Variants in CNTNAP2 observed in about 807,000 individuals in gnomAD.
The protein encoded by CNTNAP2 is contactin associated protein 2, also known as contactin-associated protein-like 2.
In CNTNAP2, 98 loss-of-function variants were observed where a neutral mutation model predicts 155.2. That is an observed-to-expected ratio of 0.63 (90% CI 0.54 to 0.75). The LOEUF is 0.75. Among genes scored for constraint, CNTNAP2 ranks in the 30% least tolerant of loss-of-function variants. The pLI is 0.00. For synonymous variants in CNTNAP2, 651 were observed against 631.2 expected, an observed-to-expected ratio of 1.03 and a Z score of -0.47; for missense variants, 1,727 against 1,688.1, an observed-to-expected ratio of 1.02 and a Z score of -0.40.
chr7:146,753,585 C>T (rs1801942659), intron 1 of CNTNAP2, among the ~76,000 whole-genome samples: 1 of 151,974 alleles, frequency 6.6e-6, no homozygotes, highest in Admixed American at 6.6e-5. Context: ...TAGATAAAAT[C>T]ATGTTGAATT....
At chr7:146,375,264 C>T (rs1349889021) in intron 1 of CNTNAP2, among the ~76,000 whole-genome samples, 4 of 152,228 alleles carry the variant, frequency 2.6e-5, no homozygotes, top group African/African-American at 9.6e-5. Flanking sequence ...TTTGCTCTTT[C>T]TCTGCACTAC....
At chr7:147,159,977 A>G (rs1801996747) in intron 8 of CNTNAP2, among the ~76,000 whole-genome samples, 1 of 152,094 alleles carries the variant, frequency 6.6e-6, no homozygotes, top group Non-Finnish European at 1.5e-5. Context: ...GAAGTGACAT[A>G]AATTATCCAA....
chr7:146,201,488 G>A (rs1431665266), intron 1 of CNTNAP2, among the ~76,000 whole-genome samples: 1 of 152,050 alleles, frequency 6.6e-6, no homozygotes, highest in African/African-American at 2.4e-5. Flanking sequence ...ATAGACAATA[G>A]CCTGAGCCTT....
At chr7:146,686,552 G>T (rs1452199862) in intron 1 of CNTNAP2, among the ~76,000 whole-genome samples, 1 of 152,008 alleles carries the variant, frequency 6.6e-6, no homozygotes, top group Admixed American at 6.6e-5. Flanking sequence ...CATGGAACTA[G>T]ATCTTCTGTA....
At chr7:146,329,305 T>C (rs1173494630) in intron 1 of CNTNAP2, among the ~76,000 whole-genome samples, 1 of 152,196 alleles carries the variant, frequency 6.6e-6, no homozygotes, top group Non-Finnish European at 1.5e-5. Context: ...AACTTTAACC[T>C]ATCATGTTCC....
At chr7:147,257,867 G>C (rs1044181429) in intron 8 of CNTNAP2, among the ~76,000 whole-genome samples, 1 of 152,198 alleles carries the variant, frequency 6.6e-6, no homozygotes, top group Non-Finnish European at 1.5e-5. Context: ...TGGAGGTTCA[G>C]AGGCAGATGG....
chr7:146,875,946 A>AAAC (rs1562983029), intron 3 of CNTNAP2, among the ~76,000 whole-genome samples: 35 of 145,488 alleles, frequency 2.4e-4, no homozygotes, highest in African/African-American at 8.6e-4. Context: ...AAAAAAAAAA[A>AAAC]AAAAAAAAAA....
intron 13 of CNTNAP2, among the ~76,000 whole-genome samples, chr7:147,792,735 G>A (rs537195636): frequency 6.6e-6 from 1 of 152,154 alleles, no homozygotes; most frequent in South Asian, 2.1e-4. Context: ...GAATTGCTGG[G>A]CTATATTGTA....
intron 1 of CNTNAP2, among the ~76,000 whole-genome samples, chr7:146,125,316 C>G (rs1797618188): frequency 1.3e-5 from 2 of 152,108 alleles, no homozygotes; most frequent in South Asian, 4.1e-4. Flanking sequence ...GTGGCTCACG[C>G]CTGTAATCCC....
rs369029595 is a variant in CNTNAP2, at chr7:146,822,811, A to G, written c.209-16900A>G. On this transcript the variant is annotated intron_variant, in intron 2 of 23. Transcript: ENST00000361727. ...AGCATATTTAAATATAAATATACTCATTCTTCAGCATATTTAAATATAAAT... is the reference window on the plus strand; with the variant it reads ...AGCATATTTAAATATAAATATACTCGTTCTTCAGCATATTTAAATATAAAT... Among the ~76,000 whole-genome samples the G allele has an allele frequency of 1.1e-3, 165 of 149,060 alleles. 6 individuals carry two copies. The South Asian group carries it at 0.026, about 23-fold the overall frequency.
intron 10 of CNTNAP2, among the ~76,000 whole-genome samples, chr7:147,456,153 C>A (rs118154701): frequency 5.3e-5 from 8 of 152,162 alleles, no homozygotes; most frequent in African/African-American, 1.9e-4. Context: ...TAGCCAGCAT[C>A]TTCCTTAAAG....
chr7:146,797,553 T>G (rs957099549), intron 2 of CNTNAP2, among the ~76,000 whole-genome samples: 1 of 152,232 alleles, frequency 6.6e-6, no homozygotes, highest in East Asian at 1.9e-4. Flanking sequence ...CACTAATAGC[T>G]GTTTCAAGTG....
intron 8 of CNTNAP2, among the ~76,000 whole-genome samples, chr7:147,133,860 T>C (rs1801426383): frequency 6.6e-6 from 1 of 152,110 alleles, no homozygotes; most frequent in African/African-American, 2.4e-5. Flanking sequence ...CCATTTCTGC[T>C]TTATTAGTTT....
At chr7:147,572,195 G>GACAC (rs71274267) in intron 12 of CNTNAP2, among the ~76,000 whole-genome samples, 1 of 151,582 alleles carries the variant, frequency 6.6e-6, no homozygotes, top group South Asian at 2.1e-4. Flanking sequence ...CCTCATTCCA[G>GACAC]AGCTTCTGCC....
chr7:146,623,447 A>G (rs1432162602), intron 1 of CNTNAP2, among the ~76,000 whole-genome samples: 1 of 152,102 alleles, frequency 6.6e-6, no homozygotes, highest in Non-Finnish European at 1.5e-5. Context: ...TCTACAGAAA[A>G]CCCTGCAACT....
intron 13 of CNTNAP2, among the ~76,000 whole-genome samples, chr7:147,869,327 T>G (rs956000918): frequency 2.0e-5 from 3 of 152,232 alleles, no homozygotes; most frequent in Non-Finnish European, 4.4e-5. Context: ...AGTAGGATGA[T>G]AGTGTATAGT....
intron 9 of CNTNAP2, among the ~76,000 whole-genome samples, chr7:147,323,416 T>C (rs1404725475): frequency 2.1e-5 from 3 of 139,798 alleles, no homozygotes; most frequent in Non-Finnish European, 4.6e-5. Flanking sequence ...TGAGTTCTAG[T>C]TTGATTGCAC....
In CNTNAP2 at chr7:147,600,871, TA is replaced by T. The variant is rs1234362131; in HGVS notation, c.1898-38230del. 3.9e-5 allele frequency among the ~76,000 whole-genome samples: 6 copies of T among 152,320 alleles called. No homozygotes were observed. In the East Asian group the frequency reaches 1.2e-3, roughly 29 times the overall value. On this transcript the variant is annotated intron_variant, in intron 12 of 23. Coordinates refer to ENST00000361727, the MANE Select transcript of CNTNAP2 (RefSeq NM_014141.6). ...ATTACTGTAATCATTTCCTATTTTC[TA>T]AAAATTTGATGAGTGTGATGTAGGT... is the stretch of plus-strand genomic sequence containing the variant.
At chr7:146,959,068 G>A (rs932490267) in intron 3 of CNTNAP2, among the ~76,000 whole-genome samples, 4 of 151,742 alleles carry the variant, frequency 2.6e-5, no homozygotes, top group Non-Finnish European at 5.9e-5. Context: ...CGCCCAGGCT[G>A]GAGTGCAGTG....
Sources: gnomAD v4.1 joint callset for allele counts (sites outside exome capture counted in the v4.1 genomes callset) on GRCh38, gnomAD v4.1.1 for gene constraint, MANE v1.5 for transcripts, NCBI Gene and HGNC (gene_info 2026-07-23, HGNC 2026-07-21) for gene names.